PRKAR1B: variants seen among roughly 807,000 people sequenced by gnomAD.
PRKAR1B encodes cAMP-dependent protein kinase type I-beta regulatory subunit.
PRKAR1B carries 22 observed loss-of-function variants against 46.5 expected under a neutral mutation model. The observed-to-expected ratio is 0.47, with a 90% confidence interval of 0.34 to 0.68. The LOEUF (loss-of-function observed/expected upper bound fraction) is 0.68, where lower values mean the gene tolerates loss of function less well. Among genes scored for constraint, PRKAR1B ranks in the 30% least tolerant of loss-of-function variants. The pLI, the probability that PRKAR1B is intolerant of heterozygous loss-of-function variation, is 0.01. For missense variants in PRKAR1B, 445 were observed against 535.6 expected (o/e 0.83, Z 1.67); for synonymous variants, 259 against 217.7 (o/e 1.19, Z -1.67).
intron 9 of PRKAR1B, among the ~76,000 whole-genome samples, chr7:566,185 TAAC>T (rs111797297): frequency 1.0e-3 from 153 of 151,590 alleles, no homozygotes; most frequent in South Asian, 1.7e-3. Flanking sequence ...ATCATCACCA[TAAC>T]CACAACCACC....
intron 4 of PRKAR1B, among the ~76,000 whole-genome samples, chr7:659,420 G>C (rs1785382746): frequency 6.6e-6 from 1 of 152,166 alleles, no homozygotes; most frequent in South Asian, 2.1e-4. Flanking sequence ...ATATGATTCA[G>C]CCCACAGGCA....
chr7:695,963 C>T (rs1292646770), intron 2 of PRKAR1B, among the ~76,000 whole-genome samples: 2 of 144,254 alleles, frequency 1.4e-5, no homozygotes, highest in African/African-American at 5.2e-5. Flanking sequence ...TGCGCCCAAC[C>T]CTTTTTTTTT....
chr7:600,984 TG>T (rs1781555022), intron 6 of PRKAR1B, among the ~76,000 whole-genome samples: 1 of 152,246 alleles, frequency 6.6e-6, no homozygotes, highest in African/African-American at 2.4e-5. Flanking sequence ...AAACTGAACC[TG>T]GTGCTCTTGG....
intron 4 of PRKAR1B, among the ~76,000 whole-genome samples, chr7:618,120 G>A (rs746965281): frequency 6.6e-6 from 1 of 152,064 alleles, no homozygotes; most frequent in African/African-American, 2.4e-5. Context: ...GGTGGAGGCA[G>A]GGCAAGGTCC....
chr7:726,191 G>A (rs1781264265), intron 1 of PRKAR1B, among the ~76,000 whole-genome samples: 1 of 152,196 alleles, frequency 6.6e-6, no homozygotes, highest in Admixed American at 6.5e-5. Context: ...CCTATTGGGC[G>A]GCTACGCCTG....
At chr7:679,676 A>C (rs936671031) in intron 3 of PRKAR1B, among the ~76,000 whole-genome samples, 3 of 152,178 alleles carry the variant, frequency 2.0e-5, no homozygotes, top group African/African-American at 7.2e-5. Flanking sequence ...GCTTAACGCC[A>C]CTCAACTGTG....
At chr7:684,778 A>G (rs535774938) in intron 2 of PRKAR1B, among the ~76,000 whole-genome samples, 7 of 152,254 alleles carry the variant, frequency 4.6e-5, no homozygotes, top group Admixed American at 4.6e-4. Context: ...GAGTAGACAG[A>G]GTAATACAAT....
chr7:718,388 G>C (rs1441016259), intron 1 of PRKAR1B, among the ~76,000 whole-genome samples: 1 of 120,954 alleles, frequency 8.3e-6, no homozygotes, highest in African/African-American at 3.2e-5. Flanking sequence ...CCAGAGTCTT[G>C]CTCTGTCACC....
At chr7:651,569 A>G (rs1784904636) in intron 4 of PRKAR1B, among the ~76,000 whole-genome samples, 1 of 151,514 alleles carries the variant, frequency 6.6e-6, no homozygotes, top group Admixed American at 6.6e-5. Context: ...CTGTCAGAAG[A>G]CAGTTCACAC....
chr7:723,839 G>A (rs1321184182), intron 1 of PRKAR1B, among the ~76,000 whole-genome samples: 1 of 152,142 alleles, frequency 6.6e-6, no homozygotes, highest in African/African-American at 2.4e-5. Context: ...GCTACCTGAG[G>A]CTGCCGTAAC....
chr7:583,277 CAG>C (rs973997102), intron 8 of PRKAR1B, among the ~76,000 whole-genome samples: 2 of 152,228 alleles, frequency 1.3e-5, no homozygotes, highest in South Asian at 2.1e-4. Context: ...AGAAGGATTT[CAG>C]AGAGAACAGG....
chr7:550,645 T>A, intron 10 of PRKAR1B, 43 bp from the exon 11 acceptor site: 1 of 1,476,412 alleles, frequency 6.8e-7, no homozygotes, highest in Admixed American at 2.4e-5. Context: ...CTGGGGGTCC[T>A]GAGGCTGCAG....
intron 2 of PRKAR1B, among the ~76,000 whole-genome samples, chr7:682,403 C>T (rs1014222478): frequency 1.3e-5 from 2 of 151,786 alleles, no homozygotes; most frequent in Non-Finnish European, 2.9e-5. Context: ...ATCATTTGGC[C>T]CCAGGAGTTC....
At chr7:703,918 A>C (rs548339598) in intron 2 of PRKAR1B, among the ~76,000 whole-genome samples, 12 of 152,298 alleles carry the variant, frequency 7.9e-5, no homozygotes, top group African/African-American at 2.6e-4. Context: ...GAGAGATATC[A>C]AAAAAATCCC....
intron 3 of PRKAR1B, among the ~76,000 whole-genome samples, chr7:679,672 C>T (rs372641321): frequency 6.6e-6 from 1 of 152,128 alleles, no homozygotes; most frequent in Non-Finnish European, 1.5e-5. Context: ...ATGTGCTTAA[C>T]GCCACTCAAC....
intron 2 of PRKAR1B, among the ~76,000 whole-genome samples, chr7:697,477 T>G (rs963816336): frequency 1.3e-5 from 2 of 152,144 alleles, no homozygotes; most frequent in Non-Finnish European, 2.9e-5. Flanking sequence ...CGTCTAGGCT[T>G]CCACGGGGTC....
At chr7:688,157 T>C (rs1463429071) in intron 2 of PRKAR1B, among the ~76,000 whole-genome samples, 4 of 148,850 alleles carry the variant, frequency 2.7e-5, no homozygotes, top group Non-Finnish European at 5.9e-5. Flanking sequence ...CCCCAGCACT[T>C]TGGGAGGCCA....
At chr7:707,198 T>C (rs570315187) in intron 2 of PRKAR1B, among the ~76,000 whole-genome samples, 3 of 152,330 alleles carry the variant, frequency 2.0e-5, no homozygotes, top group South Asian at 4.1e-4. Flanking sequence ...CGCACCCACA[T>C]GTAGAACACG....
chr7:680,354 C>T (rs2128507331), intron 3 of PRKAR1B, among the ~76,000 whole-genome samples: 1 of 152,202 alleles, frequency 6.6e-6, no homozygotes, highest in African/African-American at 2.4e-5. Context: ...TAAATTTGAG[C>T]TCAGCTCATC....
Sources: gnomAD v4.1 joint callset for allele counts (sites outside exome capture counted in the v4.1 genomes callset) on GRCh38, gnomAD v4.1.1 for gene constraint, MANE v1.5 for transcripts, NCBI Gene and HGNC (gene_info 2026-07-23, HGNC 2026-07-21) for gene names.